The following TENM2 variants were observed in gnomAD, a reference collection of about 807,000 sequenced individuals.
TENM2 encodes the protein teneurin transmembrane protein 2.
Under a neutral mutation model 245.2 loss-of-function variants are expected in TENM2, and 52 were observed. The observed-to-expected ratio is 0.21, with a 90% CI of 0.17 to 0.27. The LOEUF is 0.27. TENM2 is among the 10% of genes least tolerant of loss of function. The pLI, the probability that TENM2 is intolerant of heterozygous loss-of-function variation, is 1.00. For missense variants in TENM2, 3,046 were observed against 3,666.8 expected (o/e 0.83, Z 4.37); for synonymous variants, 1,363 against 1,438.9 (o/e 0.95, Z 1.19).
chr5:167,326,932 A>G lies in TENM2; in HGVS notation c.226+41869A>G, dbSNP rs140405130. The stretch of plus-strand genomic sequence containing the variant: ...AGAAAGAAGCTATATATAATTACCT[A>G]TGATATACAATTTTAATGAAATAAA... On this transcript the variant is annotated intron_variant, in intron 1 of 28. Transcript: ENST00000518659. Among the ~76,000 whole-genome samples the G allele has an allele frequency of 1.0e-3, 152 of 152,126 alleles. 1 individual carries two copies. In the East Asian group the frequency reaches 0.026, roughly 26 times the overall value.
intron 3 of TENM2, among the ~76,000 whole-genome samples, chr5:167,877,188 G>A (rs1177474697): frequency 1.3e-5 from 2 of 152,122 alleles, no homozygotes; most frequent in Non-Finnish European, 2.9e-5. Context: ...TTTCCATGCC[G>A]AGAGTGGGTC....
chr5:168,036,553 T>G (rs2151980985), intron 5 of TENM2, among the ~76,000 whole-genome samples: 1 of 151,116 alleles, frequency 6.6e-6, no homozygotes, highest in East Asian at 2.0e-4. Flanking sequence ...AGATAATCGC[T>G]TGAACATGGG....
the TENM2 span, among the ~76,000 whole-genome samples, chr5:166,979,975 C>T: frequency 1.3e-5 from 2 of 152,072 alleles, no homozygotes; most frequent in African/African-American, 4.8e-5. Context: ...TGAGAGATGC[C>T]AGTGATTCCA....
chr5:167,842,511 C>T (rs1769625204), intron 2 of TENM2, among the ~76,000 whole-genome samples: 1 of 143,978 alleles, frequency 6.9e-6, no homozygotes, highest in South Asian at 2.2e-4. Flanking sequence ...ATTGCTTGAG[C>T]CTGGAAGGTG....
the TENM2 span, among the ~76,000 whole-genome samples, chr5:167,012,280 A>T: frequency 6.6e-6 from 1 of 152,216 alleles, no homozygotes; most frequent in Non-Finnish European, 1.5e-5. Context: ...GTTTTAAGAC[A>T]TATTTACCAA....
intron 2 of TENM2, among the ~76,000 whole-genome samples, chr5:167,808,450 G>A (rs1766392476): frequency 6.6e-6 from 1 of 152,068 alleles, no homozygotes; most frequent in South Asian, 2.1e-4. Flanking sequence ...AGTAGAGACG[G>A]GGTTTTGCCA....
chr5:167,942,542 AG>A (rs1779267089), intron 3 of TENM2, among the ~76,000 whole-genome samples: 1 of 152,122 alleles, frequency 6.6e-6, no homozygotes, highest in African/African-American at 2.4e-5. Flanking sequence ...ACCGGGACCC[AG>A]TGATTCTTAT....
At chr5:167,416,605 T>C (rs1317129159) in intron 2 of TENM2, among the ~76,000 whole-genome samples, 2 of 152,206 alleles carry the variant, frequency 1.3e-5, no homozygotes, top group Admixed American at 6.5e-5. Flanking sequence ...GCAAATTTAT[T>C]GCAGAATTAC....
intron 2 of TENM2, among the ~76,000 whole-genome samples, chr5:167,418,511 T>A (rs1763299358): frequency 6.6e-6 from 1 of 152,162 alleles, no homozygotes; most frequent in South Asian, 2.1e-4. Context: ...AAAATTAGAT[T>A]GTCTTCTATG....
chr5:167,776,651 A>C (rs1340463515), intron 2 of TENM2, among the ~76,000 whole-genome samples: 9 of 139,890 alleles, frequency 6.4e-5, no homozygotes, highest in Middle Eastern at 3.8e-3. Context: ...CTATATATAT[A>C]TATATATATA....
At chr5:168,227,552 A>G (rs1309201308) in intron 24 of TENM2, among the ~76,000 whole-genome samples, 6 of 148,662 alleles carry the variant, frequency 4.0e-5, no homozygotes, top group African/African-American at 1.5e-4. Flanking sequence ...AAGCTAAAAT[A>G]TATATGTTAA....
At chr5:167,016,557 C>G in the TENM2 span, among the ~76,000 whole-genome samples, 2 of 152,124 alleles carry the variant, frequency 1.3e-5, no homozygotes, top group African/African-American at 4.8e-5. Context: ...AAGTTCTTAT[C>G]TGACTGAATA....
intron 3 of TENM2, among the ~76,000 whole-genome samples, chr5:167,906,420 G>A (rs565075909): frequency 2.6e-5 from 4 of 152,102 alleles, no homozygotes; most frequent in Admixed American, 6.6e-5. Context: ...CAATTAGCCC[G>A]TGCACCTGTT....
intron 3 of TENM2, among the ~76,000 whole-genome samples, chr5:167,916,187 G>A (rs533625821): frequency 1.3e-5 from 2 of 152,272 alleles, no homozygotes; most frequent in East Asian, 1.9e-4. Flanking sequence ...TCAAAGAACC[G>A]TCACTATTTT....
intron 13 of TENM2, among the ~76,000 whole-genome samples, chr5:168,177,898 T>C (rs912104341): frequency 9.9e-5 from 15 of 152,162 alleles, no homozygotes; most frequent in African/African-American, 3.6e-4. Context: ...CTAAGCACAG[T>C]GCTTGGAACA....
At chr5:167,629,034 C>G (rs2127787273) in intron 2 of TENM2, among the ~76,000 whole-genome samples, 1 of 152,258 alleles carries the variant, frequency 6.6e-6, no homozygotes. Flanking sequence ...AAGTCAGGTA[C>G]TAAGCTATAT....
intron 4 of TENM2, among the ~76,000 whole-genome samples, chr5:167,953,918 C>A (rs1780322344): frequency 6.6e-6 from 1 of 152,008 alleles, no homozygotes; most frequent in African/African-American, 2.4e-5. Flanking sequence ...TGTTATACAT[C>A]TTTGTCACTA....
At chr5:167,876,407 A>G (rs896756925) in intron 3 of TENM2, among the ~76,000 whole-genome samples, 4 of 152,266 alleles carry the variant, frequency 2.6e-5, no homozygotes, top group South Asian at 2.1e-4. Flanking sequence ...TCTTAACAGG[A>G]TTTGGGCCTC....
At chr5:167,483,054 C>T (rs1439251566) in intron 2 of TENM2, among the ~76,000 whole-genome samples, 1 of 152,184 alleles carries the variant, frequency 6.6e-6, no homozygotes, top group Non-Finnish European at 1.5e-5. Context: ...TATTTACGTC[C>T]TTGACCCAGT....
Sources: allele counts gnomAD v4.1 joint callset (sites outside exome capture counted in the v4.1 genomes callset), GRCh38; gene constraint gnomAD v4.1.1; transcripts MANE v1.5; gene names NCBI Gene and HGNC (gene_info 2026-07-23, HGNC 2026-07-21).